The following TIMP3 variants were observed in gnomAD, a reference collection of about 807,000 sequenced individuals.
The protein encoded by TIMP3 is metalloproteinase inhibitor 3.
Under a neutral mutation model 30.0 loss-of-function variants are expected in TIMP3, and 11 were observed. That is an observed-to-expected ratio of 0.37 (90% CI 0.23 to 0.61). The LOEUF (loss-of-function observed/expected upper bound fraction) is 0.61. Among genes scored for constraint, TIMP3 ranks in the 20% least tolerant of loss-of-function variants. TIMP3 has a pLI of 0.70. For synonymous variants in TIMP3, 112 were observed against 111.3 expected, an observed-to-expected ratio of 1.01 and a Z score of -0.04; for missense variants, 181 against 276.8, an observed-to-expected ratio of 0.65 and a Z score of 2.45.
chr22:32,836,060 C>T (rs1466855582), intron 1 of TIMP3, among the ~76,000 whole-genome samples: 1 of 152,218 alleles, frequency 6.6e-6, no homozygotes, highest in Non-Finnish European at 1.5e-5. Context: ...ATGAGCTTTG[C>T]TGCTGGGCAT....
intron 1 of TIMP3, among the ~76,000 whole-genome samples, chr22:32,811,129 G>T (rs959659473): frequency 6.6e-6 from 1 of 152,090 alleles, no homozygotes; most frequent in African/African-American, 2.4e-5. Flanking sequence ...GTAAGGCTTG[G>T]TTATGTTAGG....
intron 3 of TIMP3, 148 bp downstream of exon 3, chr22:32,857,508 G>C: frequency 1.4e-6 from 1 of 720,426 alleles, no homozygotes; most frequent in South Asian, 1.5e-5. Context: ...CACTTACCCA[G>C]TGCTAGGAGC....
intron 1 of TIMP3, among the ~76,000 whole-genome samples, chr22:32,829,075 C>T (rs974306309): frequency 6.6e-6 from 1 of 152,116 alleles, no homozygotes; most frequent in South Asian, 2.1e-4. Flanking sequence ...CTGAAACTGG[C>T]ACCATTTCTA....
intron 1 of TIMP3, among the ~76,000 whole-genome samples, chr22:32,847,989 A>AT (rs1027745546): frequency 4.6e-5 from 7 of 152,166 alleles, no homozygotes; most frequent in African/African-American, 1.4e-4. Context: ...TTATTAGACG[A>AT]TTTTTTTCTT....
chr22:32,832,442 A>G (rs1478564019), intron 1 of TIMP3, among the ~76,000 whole-genome samples: 1 of 152,202 alleles, frequency 6.6e-6, no homozygotes, highest in African/African-American at 2.4e-5. Flanking sequence ...TCAAACTCAC[A>G]TAGAAAATGA....
intron 1 of TIMP3, among the ~76,000 whole-genome samples, chr22:32,830,801 CT>C (rs1490126003): frequency 6.6e-6 from 1 of 152,212 alleles, no homozygotes; most frequent in Non-Finnish European, 1.5e-5. Flanking sequence ...TCTGTGGCCC[CT>C]GGCTTCTCCC....
chr22:32,801,915 G>A lies in TIMP3; in HGVS notation c.-87G>A. 1 of 1,464,440 alleles carries A rather than the reference G, an allele frequency of 6.8e-7. No homozygotes were observed. The highest frequency in any genetic ancestry group is 9.0e-7 in the Non-Finnish European group (1 of 1,113,296). 90.7% of individuals were successfully genotyped at this position (1,464,440 alleles called of 1,614,324 possible). On this transcript the variant is annotated 5_prime_UTR_variant, in exon 1 of 5. Coordinates refer to ENST00000266085, the MANE Select transcript of TIMP3 (RefSeq NM_000362.5). This position sits in a 1 kb window ranked among gnomAD's most constrained non-coding sequence, Gnocchi z 4.7. Reference sequence around the variant, plus strand: ...CCCGCACGGCCCGGCGGGCGAGCGAGCTCGGGCTGCAGCAGCCCCGCCGGC... The same window carrying A: ...CCCGCACGGCCCGGCGGGCGAGCGAACTCGGGCTGCAGCAGCCCCGCCGGC...
rs1569285026 is a variant in TIMP3 at position 32,862,872 on chromosome 22, G to T, written c.*3495G>T. ...AACAAGAGATCTCGAACCCTGTCTA[G>T]AAGGAATGTATTTGTTGCTAAATTT... On this transcript the variant is annotated 3_prime_UTR_variant, in exon 5 of 5. Coordinates refer to ENST00000266085, the MANE Select transcript of TIMP3 (RefSeq NM_000362.5). 6.6e-6 allele frequency: 1 copy of T among 152,644 alleles called. No homozygotes were observed. Among genetic ancestry groups the T allele is most frequent in the Non-Finnish European group, 1.5e-5 (1 of 68,048 alleles). The allele number at this position is 152,644 out of a possible 1,614,324, so 9.5% of individuals were successfully genotyped here. A position where few individuals can be genotyped will look rare whatever the true frequency, so the allele number is the denominator to read the frequency against.
rs147843261 is a variant in TIMP3 at position 32,831,050 on chromosome 22, A to G, written c.122-18402A>G. ...GTGAAAAGTATTGAATATTCCTTCTATTTCAAAAATAGCAGCTTCCATGGC... is the reference window on the plus strand; with the variant it reads ...GTGAAAAGTATTGAATATTCCTTCTGTTTCAAAAATAGCAGCTTCCATGGC... On this transcript the variant is annotated intron_variant, in intron 1 of 4. Coordinates refer to ENST00000266085, the MANE Select transcript of TIMP3 (RefSeq NM_000362.5). Among the ~76,000 whole-genome samples, 219 of 152,276 alleles carry G rather than the reference A, an allele frequency of 1.4e-3. 2 individuals carry two copies. Among genetic ancestry groups the G allele is most frequent in the African/African-American group, 4.9e-3 (204 of 41,562 alleles).
At chr22:32,813,626 C>T (rs2046976158) in intron 1 of TIMP3, among the ~76,000 whole-genome samples, 1 of 151,756 alleles carries the variant, frequency 6.6e-6, no homozygotes, top group Non-Finnish European at 1.5e-5. Context: ...TCTAGAATCT[C>T]CTTTCAATTC....
chr22:32,859,272 C>T lies in TIMP3; in HGVS notation c.531C>T (p.Tyr177=), dbSNP rs1381230900. 3.1e-6 allele frequency: 5 copies of T among 1,614,090 alleles called. No homozygotes were observed. The South Asian group carries it at 3.3e-5, about 11-fold the overall frequency. The change falls in exon 5 of 5, where the codon TAC becomes TAT. Residue 177 remains tyrosine, a synonymous_variant. Coordinates refer to ENST00000266085, the MANE Select transcript of TIMP3 (RefSeq NM_000362.5). ...DMLSNFGYPG[Y]QSKHYACIRQ... ...TCTCCAATTTCGGTTACCCTGGCTA[C>T]CAGTCCAAACACTACGCCTGCATCC... is the stretch of plus-strand genomic sequence containing the variant.
chr22:32,834,725 G>A (rs1243155213), intron 1 of TIMP3, among the ~76,000 whole-genome samples: 1 of 152,198 alleles, frequency 6.6e-6, no homozygotes, highest in Non-Finnish European at 1.5e-5. Context: ...GTGCTTTGCA[G>A]GGAGAGGTGC....
Position 32,837,327 on chromosome 22 carries a change from G to A in TIMP3, c.122-12125G>A, listed in dbSNP as rs377577287. On this transcript the variant is annotated intron_variant, in intron 1 of 4. Coordinates refer to ENST00000266085, the MANE Select transcript of TIMP3 (RefSeq NM_000362.5). The surrounding 1 kb of genome is among the most constrained non-coding windows in gnomAD (Gnocchi z 4.1). ...CTGGAGCACTCTCAGGGGATAGGGGGTGGTCTCAGCCCCCCTCACCGAGTG... is the reference window on the plus strand; with the variant it reads ...CTGGAGCACTCTCAGGGGATAGGGGATGGTCTCAGCCCCCCTCACCGAGTG... Among the ~76,000 whole-genome samples the A allele has an allele frequency of 2.0e-5, 3 of 152,174 alleles. No individual in the cohort carries two copies. Among genetic ancestry groups the A allele is most frequent in the African/African-American group, 7.2e-5 (3 of 41,442 alleles).
rs779017473 is a variant in TIMP3, at chr22:32,858,022, G to C, written c.322G>C (p.Val108Leu). 1.2e-6 allele frequency: 2 copies of C among 1,614,152 alleles called. No homozygotes were observed. The highest frequency in any genetic ancestry group is 1.7e-6 in the Non-Finnish European group (2 of 1,180,024). The part of the protein sequence containing the change: ...NKYQYLLTGR[V>L]YDGKMYTGLC... ...TTTCTTCTTTCCTCCTGTAGGTCGC[G>C]TCTATGATGGCAAGATGTACACGGG... Residue 108 changes from valine to leucine, a missense_variant, in exon 4 of 5, where the codon GTC becomes CTC. Val to Leu is a conservative substitution (Grantham distance 32, BLOSUM62 1). This residue lies in a region of TIMP3 where 63 missense variants were observed against 133.3 expected (regional missense o/e 0.47). Transcript: ENST00000266085.
intron 1 of TIMP3, among the ~76,000 whole-genome samples, chr22:32,839,348 G>C (rs978537977): frequency 6.6e-6 from 1 of 152,182 alleles, no homozygotes; most frequent in African/African-American, 2.4e-5. Context: ...GTTTCCCACT[G>C]TCTATCCTTT....
intron 1 of TIMP3, among the ~76,000 whole-genome samples, chr22:32,834,404 C>A (rs1457481795): frequency 6.6e-6 from 1 of 152,080 alleles, no homozygotes; most frequent in Admixed American, 6.5e-5. Context: ...CTCAGGTGAT[C>A]AGCCTGCCTT....
At chr22:32,814,346 A>AAAGAAAGGAAGAAAGG (rs2047028992) in intron 1 of TIMP3, among the ~76,000 whole-genome samples, 1 of 147,524 alleles carries the variant, frequency 6.8e-6, no homozygotes, top group African/African-American at 2.6e-5. Context: ...AAAGAGAAAG[A>AAAGAAAGGAAGAAAGG]AAGAGAGAAA....
At chr22:32,804,937 C>T (rs2046685357) in intron 1 of TIMP3, among the ~76,000 whole-genome samples, 1 of 152,152 alleles carries the variant, frequency 6.6e-6, no homozygotes. Context: ...AGAAGGCGGC[C>T]TCGGCCCGGG....
chr22:32,813,356 G>A (rs2046963832), intron 1 of TIMP3, among the ~76,000 whole-genome samples: 1 of 152,122 alleles, frequency 6.6e-6, no homozygotes, highest in Non-Finnish European at 1.5e-5. Context: ...GTACAGTCCA[G>A]GTCCCTTCTG....
Sources: gnomAD v4.1 joint callset for allele counts (sites outside exome capture counted in the v4.1 genomes callset) on GRCh38, gnomAD v4.1.1 for gene constraint, gnomAD v4.1.1 regional missense constraint, Gnocchi (gnomAD v3.1) non-coding constraint, MANE v1.5 for transcripts, NCBI Gene and HGNC (gene_info 2026-07-23, HGNC 2026-07-21) for gene names.